Variants in PLAU observed in about 807,000 individuals in gnomAD.
PLAU encodes the protein urokinase-type plasminogen activator.
In PLAU, 32 loss-of-function variants were observed where a neutral mutation model predicts 48.9. That is an observed-to-expected ratio of 0.65 (90% CI 0.49 to 0.88). The LOEUF is 0.88. Among genes scored for constraint, PLAU ranks in the 40% least tolerant of loss-of-function variants. The pLI is 0.00. For synonymous variants in PLAU, 199 were observed against 205.7 expected (o/e 0.97, Z 0.28); for missense variants, 455 against 545.2 (o/e 0.83, Z 1.65).
In PLAU at chr10:73,913,633, C is replaced by A; in HGVS notation, c.555C>A (p.Thr185=). ...TTAAGATTATTGGGGGAGAATTCAC[C>A]ACCATCGAGAACCAGCCCTGGTTTG... The part of the protein sequence containing the change: ...PRFKIIGGEF[T]TIENQPWFAA... The change falls in exon 7 of 11, where the codon ACC becomes ACA. Residue 185 remains threonine, a synonymous_variant. Transcript: ENST00000372764. 1 of 1,613,934 alleles carries A rather than the reference C, an allele frequency of 6.2e-7. No individual in the cohort carries two copies. Among genetic ancestry groups the A allele is most frequent in the Non-Finnish European group, 8.5e-7 (1 of 1,179,914 alleles).
At position 73,915,373 on chromosome 10, in the gene PLAU, C is replaced by T; in HGVS notation, c.1093C>T (p.Pro365Ser). The T allele has an allele frequency of 6.2e-7, 1 of 1,610,912 alleles. No individual in the cohort carries two copies. Among genetic ancestry groups the T allele is most frequent in the Non-Finnish European group, 8.5e-7 (1 of 1,178,738 alleles). ...VTTKMLCAAD[P>S]QWKTDSCQGD... is the part of the protein sequence containing the mutation. ...CACCAAAATGCTGTGTGCTGCTGAC[C>T]CACAGTGGAAAACAGATTCCTGCCA... The change falls in exon 10 of 11, where the codon CCA becomes TCA. Residue 365 changes from proline (P) to serine (S), a missense_variant. Transcript: ENST00000372764.
intron 10 of PLAU, 110 bp from the exon 11 acceptor site, chr10:73,916,279 A>C (rs934909456): frequency 7.3e-6 from 7 of 959,614 alleles, no homozygotes; most frequent in Non-Finnish European, 1.1e-5. Context: ...GAAGTCGCTA[A>C]GGACTTTGAC....
In PLAU at chr10:73,913,577, CA is replaced by C; in HGVS notation, c.500del (p.Gln167ArgfsTer7). 6.2e-7 allele frequency: 1 copy of C among 1,613,746 alleles called. No homozygotes were observed. Among genetic ancestry groups the C allele is most frequent in the South Asian group, 1.1e-5 (1 of 91,062 alleles). ...CTCTCCTCCAGAAGAATTAAAATTTCAGTGTGGCCAAAAGACTCTGAGGCCC... is the reference window on the plus strand; with the variant it reads ...CTCTCCTCCAGAAGAATTAAAATTTCGTGTGGCCAAAAGACTCTGAGGCCC... ...PSSPPEELKF[Q>X]CGQKTLRPRF... On this transcript the variant is annotated frameshift_variant, in exon 7 of 11. Transcript: ENST00000372764. LOFTEE classifies it high-confidence loss of function.
intron 2 of PLAU, 188 bp from the exon 3 acceptor site, chr10:73,911,853 G>C (rs2096124963): frequency 1.9e-6 from 3 of 1,552,756 alleles, no homozygotes; most frequent in Non-Finnish European, 2.6e-6. Flanking sequence ...GGTAGATGAA[G>C]CTTGCTTGGG....
chr10:73,913,308 G>T lies in PLAU; in HGVS notation c.387G>T (p.Arg129Ser), dbSNP rs2096128817. 6.2e-7 allele frequency: 1 copy of T among 1,614,090 alleles called. No homozygotes were observed. Residue 129 changes from arginine (R) to serine (S), a missense_variant, in exon 6 of 11, where the codon AGG (arginine) becomes AGT (serine). Coordinates refer to ENST00000372764, the MANE Select transcript of PLAU (RefSeq NM_002658.6). The part of the protein sequence containing the change: ...HNYCRNPDNR[R>S]RPWCYVQVGL... Reference sequence around the variant, plus strand: ...TTGCCAGGAACCCAGACAACCGGAGGCGACCCTGGTGCTATGTGCAGGTGG... The same window carrying T: ...TTGCCAGGAACCCAGACAACCGGAGTCGACCCTGGTGCTATGTGCAGGTGG...
chr10:73,914,948 C>T (rs61864535), intron 9 of PLAU, 32 bp downstream of exon 9: 5 of 1,609,378 alleles, frequency 3.1e-6, no homozygotes, highest in South Asian at 2.2e-5. Context: ...CTTAGAAGGT[C>T]CTGAGGAGTG....
intron 4 of PLAU, 86 bp downstream of exon 4, chr10:73,912,408 C>CT (rs2096126347): frequency 9.8e-7 from 1 of 1,021,246 alleles, no homozygotes. Context: ...GAGTTAGGAG[C>CT]TGGAGGTAGG....
In PLAU at chr10:73,916,675, C is replaced by A; in HGVS notation, c.*110C>A. On this transcript the variant is annotated 3_prime_UTR_variant, in exon 11 of 11. Coordinates refer to ENST00000372764, the MANE Select transcript of PLAU (RefSeq NM_002658.6). The stretch of plus-strand genomic sequence containing the variant: ...AGAGACTGGGAAGATAGGCTCTGCA[C>A]AGATGGATTTGCCTGTGCCACCCAC... 1.1e-6 allele frequency: 1 copy of A among 908,812 alleles called. No individual in the cohort carries two copies. The highest frequency in any genetic ancestry group is 1.6e-6 in the Non-Finnish European group (1 of 611,272). The allele number at this position is 908,812 out of a possible 1,614,324, so 56.3% of individuals were successfully genotyped here.
upstream of PLAU, among the ~76,000 whole-genome samples, chr10:73,908,891 G>C (rs2096119677): frequency 6.6e-6 from 1 of 151,788 alleles, no homozygotes. Flanking sequence ...GCTGGGCGTG[G>C]TGGCTCATGC....
Position 73,915,294 on chromosome 10 carries a change from G to A in PLAU, c.1014G>A (p.Lys338=), listed in dbSNP as rs1283268543. Residue 338 remains lysine (K), a synonymous_variant, in exon 10 of 11, where the codon AAG becomes AAA. Coordinates refer to ENST00000372764, the MANE Select transcript of PLAU (RefSeq NM_002658.6). ...YPEQLKMTVV[K]LISHRECQQP... is the part of the protein sequence containing the mutation. Reference sequence around the variant, plus strand: ...AGCAGCTGAAAATGACTGTTGTGAAGCTGATTTCCCACCGGGAGTGTCAGC... The same window carrying A: ...AGCAGCTGAAAATGACTGTTGTGAAACTGATTTCCCACCGGGAGTGTCAGC... 2.5e-6 allele frequency: 4 copies of A among 1,614,118 alleles called. No homozygotes were observed. In the South Asian group the frequency reaches 4.4e-5, roughly 18 times the overall value.
chr10:73,913,159 C>T (rs1216566580), intron 5 of PLAU, 61 bp downstream of exon 5: 3 of 1,585,138 alleles, frequency 1.9e-6, no homozygotes, highest in Non-Finnish European at 2.6e-6. Flanking sequence ...ACCTTGTTAC[C>T]ATCCCCTTCT....
Position 73,913,374 on chromosome 10 carries a change from C to G in PLAU, c.453C>G (p.Cys151Trp), listed in dbSNP as rs374267816. ...TCCAAGAGTGCATGGTGCATGACTG[C>G]GCAGATGGTGAGCATCACTGACCTG... Reference protein sequence around the residue: ...LLVQECMVHDCADGKKPSSPP... With the variant: ...LLVQECMVHDWADGKKPSSPP... Residue 151 changes from cysteine (C) to tryptophan (W), a missense_variant, in exon 6 of 11, where the codon TGC (cysteine) becomes TGG (tryptophan). Physicochemically the swap from Cys to Trp is radical, Grantham distance 215. Transcript: ENST00000372764. The G allele has an allele frequency of 1.2e-6, 2 of 1,613,380 alleles. No individual in the cohort carries two copies. The highest frequency in any genetic ancestry group is 1.7e-4 in the Middle Eastern group (1 of 6,060).
chr10:73,915,075 G>A (rs1238787985), intron 9 of PLAU, among the ~76,000 whole-genome samples, 159 bp downstream of exon 9: 2 of 152,136 alleles, frequency 1.3e-5, no homozygotes, highest in Admixed American at 6.5e-5. Context: ...TTTAGGGAGC[G>A]ATGGGCTGCA....
At position 73,912,856 on chromosome 10, in the gene PLAU, A is replaced by AT. The variant is rs574399068; in HGVS notation, c.194-68_194-67insT. ...CAGAGCAAGACTCCATCTCAAAAAA[A>AT]AAAAATAAAAGTTAGTTGGAATGTT... On this transcript the variant is annotated intron_variant, in intron 4 of 10. Transcript: ENST00000372764. The AT allele has an allele frequency of 1.2e-5, 16 of 1,383,736 alleles. No homozygotes were observed. In the South Asian group the frequency reaches 1.8e-4, roughly 15 times the overall value. The allele number at this position is 1,383,736 out of a possible 1,614,324, so 85.7% of individuals were successfully genotyped here. A position where few individuals can be genotyped will look rare whatever the true frequency, so the allele number is the denominator to read the frequency against.
At chr10:73,911,680 G>A in intron 2 of PLAU, 68 bp downstream of exon 2, 1 of 1,593,310 alleles carries the variant, frequency 6.3e-7, no homozygotes, top group East Asian at 2.3e-5. Context: ...GAGAGGAGGG[G>A]CTGCTCAGGG....
rs1275104259 is a variant in PLAU at position 73,911,629 on chromosome 10, T to G, written c.57+17T>G. On this transcript the variant is annotated intron_variant, in intron 2 of 10. Coordinates refer to ENST00000372764, the MANE Select transcript of PLAU (RefSeq NM_002658.6). ...GACTCCAAAGTGAGTGCGCTCTTGCTTTGACTGATGCTGCCCAAGGACCTC... is the reference window on the plus strand; with the variant it reads ...GACTCCAAAGTGAGTGCGCTCTTGCGTTGACTGATGCTGCCCAAGGACCTC... The G allele has an allele frequency of 1.9e-6, 3 of 1,613,520 alleles. No homozygotes were observed. The highest frequency in any genetic ancestry group is 1.7e-5 in the Admixed American group (1 of 59,950).
chr10:73,914,824 G>A lies in PLAU; in HGVS notation c.878G>A (p.Arg293Gln), dbSNP rs546931331. 2.8e-4 allele frequency: 458 copies of A among 1,614,102 alleles called. 4 individuals carry two copies. The highest frequency in any genetic ancestry group is 1.1e-3 in the South Asian group (99 of 91,078). Residue 293 changes from arginine (R) to glutamine (Q), a missense_variant, in exon 9 of 11, where the codon CGG (arginine) becomes CAG (glutamine). Coordinates refer to ENST00000372764, the MANE Select transcript of PLAU (RefSeq NM_002658.6). ...GAGGGCAGGTGTGCGCAGCCATCCC[G>A]GACTATACAGACCATCTGCCTGCCC... is the stretch of plus-strand genomic sequence containing the variant. ...SKEGRCAQPS[R>Q]TIQTICLPSM...
At chr10:73,914,437 C>T (rs2096132021) in intron 8 of PLAU, among the ~76,000 whole-genome samples, 1 of 152,206 alleles carries the variant, frequency 6.6e-6, no homozygotes, top group African/African-American at 2.4e-5. Context: ...ACACACCTTC[C>T]TTTGTGGGAT....
upstream of PLAU, among the ~76,000 whole-genome samples, chr10:73,908,976 TAAA>T: frequency 7.0e-6 from 1 of 142,878 alleles, no homozygotes; most frequent in East Asian, 2.0e-4. Context: ...ACCTTGTCTT[TAAA>T]AAAAAAAAAG....
Sources: allele counts gnomAD v4.1 joint callset (sites outside exome capture counted in the v4.1 genomes callset), GRCh38; gene constraint gnomAD v4.1.1; transcripts MANE v1.5; gene names NCBI Gene and HGNC (gene_info 2026-07-23, HGNC 2026-07-21).